ABCC8: variants seen among roughly 807,000 people sequenced by gnomAD.
The protein encoded by ABCC8 is ATP-binding cassette sub-family C member 8.
Under a neutral mutation model 188.0 loss-of-function variants are expected in ABCC8, and 137 were observed. The observed-to-expected ratio is 0.73, with a 90% confidence interval of 0.63 to 0.84. The LOEUF (loss-of-function observed/expected upper bound fraction) is 0.84. Among genes scored for constraint, ABCC8 ranks in the 40% least tolerant of loss-of-function variants. ABCC8 has a pLI of 0.00. For missense variants in ABCC8, 1,750 were observed against 2,072.7 expected, an observed-to-expected ratio of 0.84 and a Z score of 3.02; for synonymous variants, 797 against 846.5, an observed-to-expected ratio of 0.94 and a Z score of 1.01.
At chr11:17,453,891 C>A (rs2133644901) in intron 6 of ABCC8, among the ~76,000 whole-genome samples, 1 of 152,298 alleles carries the variant, frequency 6.6e-6, no homozygotes, top group Admixed American at 6.5e-5. Context: ...CTCTTGTGTA[C>A]TTCCGGCAAG....
chr11:17,430,547 GTTTT>G, intron 12 of ABCC8: 1 of 432,508 alleles, frequency 2.3e-6, no homozygotes, highest in East Asian at 4.3e-5. Context: ...CTCAACACTG[GTTTT>G]TTTTTTTTTT....
intron 7 of ABCC8, among the ~76,000 whole-genome samples, chr11:17,449,336 A>G (rs967071002): frequency 6.6e-6 from 1 of 152,230 alleles, no homozygotes; most frequent in African/African-American, 2.4e-5. Flanking sequence ...GGGGCAGGCC[A>G]TCTGTTTTAA....
intron 6 of ABCC8, among the ~76,000 whole-genome samples, chr11:17,453,694 C>T: frequency 6.6e-6 from 1 of 152,286 alleles, no homozygotes; most frequent in Middle Eastern, 3.4e-3. Flanking sequence ...CAGCAGCTCC[C>T]TTGTTCCGAA....
intron 22 of ABCC8, among the ~76,000 whole-genome samples, chr11:17,408,742 G>A (rs1254622076): frequency 6.6e-6 from 1 of 152,136 alleles, no homozygotes; most frequent in Non-Finnish European, 1.5e-5. Context: ...TCAATGGCTG[G>A]GTTTGCAGAG....
rs548277646 is a variant in ABCC8, at chr11:17,392,945, G to T, written c.*46C>A. 6.3e-5 allele frequency: 100 copies of T among 1,585,696 alleles called. No individual in the cohort carries two copies. The highest frequency in any genetic ancestry group is 7.4e-5 in the Non-Finnish European group (86 of 1,155,056). On this transcript the variant is annotated 3_prime_UTR_variant, in exon 39 of 39. Transcript: ENST00000389817. ...TTACAGTTAGAAAACCCAGGCAGGG[G>T]TATGGGCAGGGTCCGAATGTGGGAT... is the stretch of plus-strand genomic sequence containing the variant.
Position 17,450,435 on chromosome 11 carries a change from C to T in ABCC8, c.1177-1764G>A, listed in dbSNP as rs367592308. Among the ~76,000 whole-genome samples the T allele has an allele frequency of 2.2e-5, 3 of 138,762 alleles. No homozygotes were observed. The East Asian group carries it at 6.4e-4, about 30-fold the overall frequency. 91.0% of individuals were successfully genotyped at this position (138,762 alleles called of 152,430 possible). On this transcript the variant is annotated intron_variant, in intron 7 of 38. Coordinates refer to ENST00000389817, the MANE Select transcript of ABCC8 (RefSeq NM_000352.6). Reference sequence around the variant, plus strand: ...TTTTTTTCAGAGTCTTGCTGTGTCGCCCAGGCTGGAGTGCGGTGGTGCCAT... The same window carrying T: ...TTTTTTTCAGAGTCTTGCTGTGTCGTCCAGGCTGGAGTGCGGTGGTGCCAT...
chr11:17,396,749 G>T, intron 33 of ABCC8, 167 bp downstream of exon 33: 1 of 837,430 alleles, frequency 1.2e-6, no homozygotes, highest in Non-Finnish European at 1.9e-6. Flanking sequence ...AGAAGGAGAG[G>T]AAAGATGGGC....
Position 17,457,480 on chromosome 11 carries a change from C to A in ABCC8, c.1011+3008G>T, listed in dbSNP as rs150497177. ...ACTGTTCCTTCTTCCTTTGGCTCAACTGATAGCCCAGGGCAGTGCTGGCAG... is the reference window on the plus strand; with the variant it reads ...ACTGTTCCTTCTTCCTTTGGCTCAAATGATAGCCCAGGGCAGTGCTGGCAG... On this transcript the variant is annotated intron_variant, in intron 6 of 38. Coordinates refer to ENST00000389817, the MANE Select transcript of ABCC8 (RefSeq NM_000352.6). Among the ~76,000 whole-genome samples the A allele has an allele frequency of 2.8e-3, 427 of 152,340 alleles. 2 individuals carry two copies. Among genetic ancestry groups the A allele is most frequent in the Middle Eastern group, 0.024 (7 of 294 alleles).
At chr11:17,459,723 G>A (rs1173795914) in intron 6 of ABCC8, among the ~76,000 whole-genome samples, 1 of 152,202 alleles carries the variant, frequency 6.6e-6, no homozygotes, top group African/African-American at 2.4e-5. Context: ...CTAAACGGCT[G>A]CAAGGAAACA....
intron 29 of ABCC8, among the ~76,000 whole-genome samples, chr11:17,401,705 G>A (rs903262548): frequency 6.6e-6 from 1 of 152,156 alleles, no homozygotes; most frequent in Admixed American, 6.5e-5. Context: ...GGGGTCTCTG[G>A]CCTGCCTGAC....
chr11:17,460,967 C>G, intron 5 of ABCC8: 1 of 503,980 alleles, frequency 2.0e-6, no homozygotes, highest in Non-Finnish European at 3.5e-6. Flanking sequence ...AGGAGGTGGC[C>G]ATGTGCCACA....
At chr11:17,469,560 T>G (rs925004379) in intron 3 of ABCC8, among the ~76,000 whole-genome samples, 14 of 150,814 alleles carry the variant, frequency 9.3e-5, no homozygotes, top group Admixed American at 6.6e-5. Context: ...ACAGCCCACC[T>G]CCCCCTCCTC....
At chr11:17,446,808 CT>C (rs900245788) in intron 8 of ABCC8, among the ~76,000 whole-genome samples, 45 of 152,232 alleles carry the variant, frequency 3.0e-4, no homozygotes, top group African/African-American at 1.0e-3. Context: ...AGCCTCTCCC[CT>C]TTTTTTCTTT....
chr11:17,463,735 T>G (rs2133688518), intron 3 of ABCC8, 131 bp from the exon 4 acceptor site: 2 of 1,196,254 alleles, frequency 1.7e-6, no homozygotes, highest in Admixed American at 2.1e-5. Context: ...TCCGAGTAAG[T>G]GGATGTGCAC....
chr11:17,395,498 G>A, intron 35 of ABCC8, 112 bp downstream of exon 35: 1 of 1,484,814 alleles, frequency 6.7e-7, no homozygotes, highest in South Asian at 1.2e-5. Flanking sequence ...GGCATGAGCA[G>A]GAAACACCTC....
At chr11:17,396,050 T>A (rs1458732108) in intron 33 of ABCC8, 120 bp from the exon 34 acceptor site, 3 of 1,525,274 alleles carry the variant, frequency 2.0e-6, no homozygotes, top group Non-Finnish European at 2.6e-6. Flanking sequence ...TTGGCCTGGT[T>A]TTCTGACTAG....
At chr11:17,396,801 G>T in intron 33 of ABCC8, 115 bp downstream of exon 33, 1 of 1,336,562 alleles carries the variant, frequency 7.5e-7, no homozygotes, top group Non-Finnish European at 1.0e-6. Flanking sequence ...TCTGAATAGT[G>T]AGAGGCCTCG....
intron 23 of ABCC8, chr11:17,408,126 A>G: frequency 2.6e-6 from 1 of 379,828 alleles, no homozygotes; most frequent in Non-Finnish European, 4.8e-6. Context: ...TTTCTTTGCC[A>G]GTTTGAGTTG....
chr11:17,427,867 C>T lies in ABCC8; in HGVS notation c.2116G>A (p.Gly706Ser). Residue 706 changes from glycine to serine, a missense_variant and splice_region_variant, in exon 15 of 39, where the codon GGC (glycine) becomes AGC (serine). Coordinates refer to ENST00000389817, the MANE Select transcript of ABCC8 (RefSeq NM_000352.6). This position sits in a 1 kb window ranked among gnomAD's most constrained non-coding sequence, Gnocchi z 5.0. The part of the protein sequence containing the change: ...LSNITIRIPR[G>S]QLTMIVGQVG... ...GCTGGAGGGGTGGACTGGGCCATAC[C>T]TCGGGGGATACGAATGGTGATGTTG... 6.2e-7 allele frequency: 1 copy of T among 1,613,972 alleles called. No individual in the cohort carries two copies. The highest frequency in any genetic ancestry group is 8.5e-7 in the Non-Finnish European group (1 of 1,179,966).
Sources: gnomAD v4.1 joint callset for allele counts (sites outside exome capture counted in the v4.1 genomes callset) on GRCh38, gnomAD v4.1.1 for gene constraint, Gnocchi (gnomAD v3.1) non-coding constraint, MANE v1.5 for transcripts, NCBI Gene and HGNC (gene_info 2026-07-23, HGNC 2026-07-21) for gene names.